Variants in ATAD2B observed in about 807,000 individuals in gnomAD.
ATAD2B encodes the protein ATPase family AAA domain-containing protein 2B.
In ATAD2B, 40 loss-of-function variants were observed where a neutral mutation model predicts 167.6. The observed-to-expected ratio is 0.24, with a 90% CI of 0.19 to 0.31. ATAD2B has a LOEUF of 0.31. Among genes scored for constraint, ATAD2B ranks in the 10% least tolerant of loss-of-function variants. The pLI is 1.00. For synonymous variants in ATAD2B, 579 were observed against 596.5 expected, an observed-to-expected ratio of 0.97 and a Z score of 0.43; for missense variants, 1,242 against 1,757.2, an observed-to-expected ratio of 0.71 and a Z score of 5.24.
chr2:23,796,392 A>G (rs183551594), intron 19 of ATAD2B, among the ~76,000 whole-genome samples: 8 of 152,364 alleles, frequency 5.3e-5, no homozygotes, highest in African/African-American at 1.9e-4. Context: ...ACAGTATAAC[A>G]TTGGAAATGT....
chr2:23,702,950 C>G, the ATAD2B span, among the ~76,000 whole-genome samples: 170 of 151,376 alleles, frequency 1.1e-3, 1 homozygote, highest in African/African-American at 3.8e-3. Flanking sequence ...ACAGACGCTG[C>G]CATAGGCAGA....
intron 22 of ATAD2B, among the ~76,000 whole-genome samples, chr2:23,779,174 C>CTTTTT (rs35835747): frequency 1.7e-3 from 163 of 97,394 alleles, no homozygotes; most frequent in African/African-American, 2.2e-3. Flanking sequence ...TTTTTCTTTT[C>CTTTTT]TTTTTTTTTT....
the ATAD2B span, among the ~76,000 whole-genome samples, chr2:23,692,589 C>T: frequency 1.3e-5 from 2 of 152,162 alleles, no homozygotes; most frequent in Non-Finnish European, 2.9e-5. Context: ...CCAGGAACCA[C>T]GATGGCAGTG....
At chr2:23,808,078 T>TAATTATATATATAATTATATATATAAGG (rs1684855177) in intron 18 of ATAD2B, among the ~76,000 whole-genome samples, 1 of 134,084 alleles carries the variant, frequency 7.5e-6, no homozygotes, top group African/African-American at 2.8e-5. Context: ...AATATATAAG[T>TAATTATATATATAATTATATATATAAGG]AATTATATAT....
At chr2:23,786,363 A>G in intron 20 of ATAD2B, 140 bp from the exon 21 acceptor site, 2 of 759,870 alleles carry the variant, frequency 2.6e-6, no homozygotes, top group Admixed American at 2.9e-5. Context: ...ACATTCTAAG[A>G]AATGTGCAGT....
chr2:23,903,412 TTAAA>T (rs1358038498), intron 1 of ATAD2B, among the ~76,000 whole-genome samples: 1 of 152,044 alleles, frequency 6.6e-6, no homozygotes, highest in African/African-American at 2.4e-5. Context: ...CCTACAGAAA[TTAAA>T]TAATGAAAAG....
rs543453937 is a variant in ATAD2B at position 23,790,837 on chromosome 2, A to G, written c.2641-2190T>C. The stretch of plus-strand genomic sequence containing the variant: ...CAGATGCACTTAGGCACACCTTCCA[A>G]TATTTCTGAAAAAACAGTTCAATAA... On this transcript the variant is annotated intron_variant, in intron 19 of 27. Coordinates refer to ENST00000238789, the MANE Select transcript of ATAD2B (RefSeq NM_017552.4). Among the ~76,000 whole-genome samples, 8 of 152,300 alleles carry G rather than the reference A, an allele frequency of 5.3e-5. No individual in the cohort carries two copies. In the South Asian group the frequency reaches 1.4e-3, roughly 28 times the overall value.
chr2:23,807,686 C>A (rs866572398), intron 18 of ATAD2B, among the ~76,000 whole-genome samples: 1 of 151,046 alleles, frequency 6.6e-6, no homozygotes, highest in African/African-American at 2.4e-5. Context: ...CATGGTGGCA[C>A]GCACCTGTAG....
intron 6 of ATAD2B, 72 bp downstream of exon 6, chr2:23,884,693 T>C: frequency 1.3e-6 from 1 of 786,422 alleles, no homozygotes; most frequent in Non-Finnish European, 2.0e-6. Flanking sequence ...ATTCTACATA[T>C]ATTACTTGTA....
chr2:23,759,074 A>C (rs1240393084), intron 24 of ATAD2B, among the ~76,000 whole-genome samples: 2 of 152,202 alleles, frequency 1.3e-5, no homozygotes, highest in African/African-American at 4.8e-5. Context: ...TGCATAATAC[A>C]GTTAAGTGTT....
chr2:23,904,377 T>C (rs760142359), intron 1 of ATAD2B, among the ~76,000 whole-genome samples: 1 of 152,166 alleles, frequency 6.6e-6, no homozygotes, highest in Non-Finnish European at 1.5e-5. Flanking sequence ...TTGTAACTTC[T>C]GACAGGGCAA....
At chr2:23,867,988 T>C (rs1403338937) in intron 9 of ATAD2B, 42 bp from the exon 10 acceptor site, 1 of 1,356,068 alleles carries the variant, frequency 7.4e-7, no homozygotes, top group African/African-American at 1.4e-5. Context: ...ATTAAAAGTT[T>C]CACATTTTTA....
rs113078436 is a variant in ATAD2B, at chr2:23,811,756, T to C, written c.2268-1254A>G. ...AAACTTAAAGTATAATAAAAATAAA[T>C]AAATAAATAAATGTAGGTTGTTTAT... On this transcript the variant is annotated intron_variant, in intron 17 of 27. Transcript: ENST00000238789. Among the ~76,000 whole-genome samples the C allele has an allele frequency of 4.5e-3, 687 of 152,172 alleles. 9 individuals carry two copies. Among genetic ancestry groups the C allele is most frequent in the African/African-American group, 0.014 (591 of 41,518 alleles).
At chr2:23,869,454 A>T (rs1460194685) in intron 9 of ATAD2B, among the ~76,000 whole-genome samples, 1 of 152,164 alleles carries the variant, frequency 6.6e-6, no homozygotes, top group Non-Finnish European at 1.5e-5. Flanking sequence ...CCCTCTCCAC[A>T]AATTATTTTA....
Position 23,819,848 on chromosome 2 carries a change from A to G in ATAD2B, c.2166T>C (p.Asp722=). ...IETLILEDSE[D]ENALSIFETN... is the part of the protein sequence containing the mutation. The stretch of plus-strand genomic sequence containing the variant: ...TCTCAAAAATTGATAAAGCATTTTC[A>G]TCTTCACTATCCTCTAAAATTAAAG... Residue 722 remains aspartate (D), a synonymous_variant, in exon 17 of 28, where the codon GAT becomes GAC. Transcript: ENST00000238789. 6.3e-7 allele frequency: 1 copy of G among 1,587,216 alleles called. No homozygotes were observed. The highest frequency in any genetic ancestry group is 8.6e-7 in the Non-Finnish European group (1 of 1,156,648).
chr2:23,809,578 T>C (rs753521996), intron 18 of ATAD2B, among the ~76,000 whole-genome samples: 1 of 152,156 alleles, frequency 6.6e-6, no homozygotes, highest in Non-Finnish European at 1.5e-5. Context: ...AGGCTAAGTA[T>C]CGAAGTACAA....
At chr2:23,783,497 C>A (rs905555924) in intron 21 of ATAD2B, among the ~76,000 whole-genome samples, 1 of 151,988 alleles carries the variant, frequency 6.6e-6, no homozygotes, top group Non-Finnish European at 1.5e-5. Context: ...TGAACTATTT[C>A]ATGGAAAGTA....
intron 5 of ATAD2B, 58 bp downstream of exon 5, chr2:23,885,669 A>T: frequency 2.9e-6 from 3 of 1,030,642 alleles, no homozygotes; most frequent in Non-Finnish European, 4.3e-6. Flanking sequence ...TTCTCCCTTT[A>T]AATTCCTCAA....
chr2:23,843,659 T>C (rs1437324104), intron 13 of ATAD2B, among the ~76,000 whole-genome samples: 2 of 152,134 alleles, frequency 1.3e-5, no homozygotes, highest in African/African-American at 4.8e-5. Flanking sequence ...TCAGGAAATG[T>C]ACACAAAACT....
Sources: allele counts gnomAD v4.1 joint callset (sites outside exome capture counted in the v4.1 genomes callset), GRCh38; gene constraint gnomAD v4.1.1; transcripts MANE v1.5; gene names NCBI Gene and HGNC (gene_info 2026-07-23, HGNC 2026-07-21).